Variants in ALLC observed in about 807,000 individuals in gnomAD.
ALLC encodes allantoicase.
ALLC carries 40 observed loss-of-function variants against 45.0 expected under a neutral mutation model. The observed-to-expected ratio is 0.89, with a 90% CI of 0.69 to 1.16. The LOEUF (loss-of-function observed/expected upper bound fraction) is 1.16, where lower values mean the gene tolerates loss of function less well. Among genes scored for constraint, ALLC ranks in the 50% most tolerant of loss-of-function variants. The probability of loss-of-function intolerance (pLI) is 0.00; values close to 1 mark genes in which losing one functional copy is unlikely to be tolerated. For missense variants in ALLC, 488 were observed against 493.1 expected (o/e 0.99, Z 0.10); for synonymous variants, 176 against 178.1 (o/e 0.99, Z 0.09).
chr2:3,663,918 C>T (rs1666634170), intron 1 of ALLC, among the ~76,000 whole-genome samples: 1 of 152,196 alleles, frequency 6.6e-6, no homozygotes, highest in African/African-American at 2.4e-5. Context: ...CATGTAACTT[C>T]CTAGCATGTA....
intron 7 of ALLC, among the ~76,000 whole-genome samples, chr2:3,686,430 AG>A (rs1667335965): frequency 6.6e-6 from 1 of 150,790 alleles, no homozygotes; most frequent in Non-Finnish European, 1.5e-5. Flanking sequence ...TTGGTTATTC[AG>A]GGTCTTTCAT....
chr2:3,665,678 C>T (rs1244197301), intron 1 of ALLC, among the ~76,000 whole-genome samples: 1 of 152,174 alleles, frequency 6.6e-6, no homozygotes, highest in Non-Finnish European at 1.5e-5. Context: ...ATTCCATGGT[C>T]TATATGTACC....
intron 11 of ALLC, 37 bp downstream of exon 11, chr2:3,701,673 C>T: frequency 1.3e-6 from 2 of 1,594,288 alleles, no homozygotes; most frequent in Non-Finnish European, 1.7e-6. Context: ...AGCACTCAGA[C>T]TGTGCTATTT....
At chr2:3,695,132 G>A (rs1412091731) in intron 7 of ALLC, 2 of 153,388 alleles carry the variant, frequency 1.3e-5, no homozygotes, top group Non-Finnish European at 2.9e-5. Flanking sequence ...AACATTATCT[G>A]TATGGTGAAT....
At chr2:3,664,171 C>G (rs113255779) in intron 1 of ALLC, among the ~76,000 whole-genome samples, 1 of 152,190 alleles carries the variant, frequency 6.6e-6, no homozygotes, top group African/African-American at 2.4e-5. Context: ...GGCTGCAGAG[C>G]AAACGGTGGC....
At chr2:3,649,462 C>T in the ALLC span, among the ~76,000 whole-genome samples, 2 of 152,136 alleles carry the variant, frequency 1.3e-5, no homozygotes, top group African/African-American at 2.4e-5. Flanking sequence ...AGGATGGTCT[C>T]GATCTCCTGA....
At chr2:3,701,715 C>A (rs986583949) in intron 11 of ALLC, 79 bp downstream of exon 11, 1 of 1,451,808 alleles carries the variant, frequency 6.9e-7, no homozygotes, top group African/African-American at 1.4e-5. Context: ...GATTAGGATA[C>A]GCTCCAAAGT....
chr2:3,648,812 C>T, the ALLC span, among the ~76,000 whole-genome samples: 5 of 152,230 alleles, frequency 3.3e-5, no homozygotes, highest in Admixed American at 6.5e-5. Context: ...TGGGACACGA[C>T]TTCAAGTGAC....
chr2:3,652,984 G>T, the ALLC span, among the ~76,000 whole-genome samples: 1 of 152,200 alleles, frequency 6.6e-6, no homozygotes, highest in African/African-American at 2.4e-5. Context: ...TTATGGTCTT[G>T]GCTGGGCTCA....
chr2:3,666,508 C>A (rs952118029), intron 1 of ALLC, among the ~76,000 whole-genome samples: 5 of 151,924 alleles, frequency 3.3e-5, no homozygotes, highest in Admixed American at 6.6e-5. Flanking sequence ...AACCCGCCCA[C>A]GCTGCAGCCT....
intron 1 of ALLC, among the ~76,000 whole-genome samples, chr2:3,664,133 A>C (rs1207853491): frequency 6.6e-6 from 1 of 152,204 alleles, no homozygotes; most frequent in African/African-American, 2.4e-5. Flanking sequence ...TTTTGCCTAA[A>C]GACAAAGTAG....
chr2:3,683,144 TA>T (rs1379407813), intron 7 of ALLC, 70 bp downstream of exon 7: 22 of 1,473,524 alleles, frequency 1.5e-5, no homozygotes, highest in Non-Finnish European at 1.2e-5. Context: ...TTATAAAATA[TA>T]AAATGACTTG....
intron 3 of ALLC, among the ~76,000 whole-genome samples, chr2:3,677,383 C>T (rs540266651): frequency 4.9e-4 from 75 of 152,274 alleles, no homozygotes; most frequent in Non-Finnish European, 8.8e-4. Flanking sequence ...TTTGCAATTC[C>T]TGATGAGTAA....
At chr2:3,666,657 C>T (rs905586984) in intron 1 of ALLC, among the ~76,000 whole-genome samples, 16 of 152,256 alleles carry the variant, frequency 1.1e-4, no homozygotes, top group African/African-American at 2.9e-4. Flanking sequence ...CAGCATCACC[C>T]AGCCTTGATG....
upstream of ALLC, among the ~76,000 whole-genome samples, chr2:3,654,374 G>A (rs777221970): frequency 3.3e-5 from 5 of 152,252 alleles, no homozygotes; most frequent in Non-Finnish European, 7.3e-5. Context: ...GCGCAGCCTC[G>A]GAACCACGCT....
chr2:3,691,572 C>T (rs977750209), intron 7 of ALLC, among the ~76,000 whole-genome samples: 2 of 152,078 alleles, frequency 1.3e-5, no homozygotes, highest in Non-Finnish European at 2.9e-5. Flanking sequence ...CTGTCCTTGA[C>T]CTTTAGGATT....
intron 1 of ALLC, among the ~76,000 whole-genome samples, chr2:3,666,247 A>G (rs1265654498): frequency 6.6e-6 from 1 of 152,208 alleles, no homozygotes. Flanking sequence ...AGCGCTCTGT[A>G]CCGGGGCATA....
chr2:3,660,044 A>G (rs1304016426), intron 1 of ALLC, among the ~76,000 whole-genome samples: 1 of 152,168 alleles, frequency 6.6e-6, no homozygotes, highest in Admixed American at 6.5e-5. Flanking sequence ...TGTCCCCCCA[A>G]ACCTCATGGT....
chr2:3,676,536 C>G (rs981129043), intron 3 of ALLC, among the ~76,000 whole-genome samples: 22 of 152,264 alleles, frequency 1.4e-4, no homozygotes, highest in African/African-American at 5.3e-4. Flanking sequence ...CGTGAGCCAC[C>G]GTGCCCGGCC....
Sources: allele counts gnomAD v4.1 joint callset (sites outside exome capture counted in the v4.1 genomes callset), GRCh38; gene constraint gnomAD v4.1.1; transcripts MANE v1.5; gene names NCBI Gene and HGNC (gene_info 2026-07-23, HGNC 2026-07-21).